The following GALNT16 variants were observed in gnomAD, a reference collection of about 807,000 sequenced individuals.
GALNT16 encodes polypeptide N-acetylgalactosaminyltransferase 16, also known as UDP-GalNAc:polypeptide N-acetylgalactosaminyltransferase-like protein 1.
GALNT16 carries 40 observed loss-of-function variants against 76.1 expected under a neutral mutation model. The ratio of observed to expected loss-of-function variants is 0.53; its 90% CI spans 0.41 to 0.68. The LOEUF is 0.68. Ranked by LOEUF, GALNT16 falls within the 30% of genes least tolerant of loss-of-function variation. The probability of loss-of-function intolerance (pLI) is 0.00; values close to 1 mark genes in which losing one functional copy is unlikely to be tolerated. For missense variants in GALNT16, 621 were observed against 731.9 expected (o/e 0.85, Z 1.75); for synonymous variants, 276 against 285.2 (o/e 0.97, Z 0.32).
At chr14:69,331,085 C>A (rs1483990388) in intron 6 of GALNT16, among the ~76,000 whole-genome samples, 2 of 152,176 alleles carry the variant, frequency 1.3e-5, no homozygotes, top group African/African-American at 4.8e-5. Flanking sequence ...CCACTTCAGG[C>A]AGCACAGTGA....
the GALNT16 span, among the ~76,000 whole-genome samples, chr14:69,384,162 C>T: frequency 2.6e-5 from 4 of 152,220 alleles, no homozygotes; most frequent in South Asian, 2.1e-4. Flanking sequence ...TTATCTCACA[C>T]GTAGACATTA....
Position 69,347,265 on chromosome 14 carries a change from TCTC to T in GALNT16, c.1413+91_1413+93del, listed in dbSNP as rs988461650. 11 of 1,331,818 alleles carry T rather than the reference TCTC, an allele frequency of 8.3e-6. No homozygotes were observed. The Admixed American group carries it at 2.2e-4, about 27-fold the overall frequency. The allele number at this position is 1,331,818 out of a possible 1,614,324, so 82.5% of individuals were successfully genotyped here. ...GGGTGAGGGACTTCCCCCTACTCAT[TCTC>T]CTCCTCTGTCTACATCTTACACAAA... On this transcript the variant is annotated intron_variant, in intron 13 of 14. Transcript: ENST00000448469.
At chr14:69,260,567 T>G (rs1594802986) in intron 1 of GALNT16, 100 bp downstream of exon 1, 1 of 811,460 alleles carries the variant, frequency 1.2e-6, no homozygotes, top group Non-Finnish European at 1.6e-6. Flanking sequence ...CAGGGCTGAG[T>G]GCCCGCTGCG....
chr14:69,323,802 G>A (rs994384300), intron 2 of GALNT16, among the ~76,000 whole-genome samples: 2 of 152,172 alleles, frequency 1.3e-5, no homozygotes, highest in East Asian at 1.9e-4. Flanking sequence ...CTGGGAATTC[G>A]GGCTGTAAGC....
At chr14:69,287,973 G>T (rs1359843787) in intron 1 of GALNT16, among the ~76,000 whole-genome samples, 1 of 152,194 alleles carries the variant, frequency 6.6e-6, no homozygotes, top group Admixed American at 6.5e-5. Context: ...TCTCCCTGAA[G>T]TTTCTCAAGT....
intron 14 of GALNT16, chr14:69,348,529 C>A: frequency 6.1e-6 from 1 of 164,378 alleles, no homozygotes. Context: ...CAGTCTTAAC[C>A]CAGCACATAG....
chr14:69,326,808 A>G (rs2045291665), intron 5 of GALNT16, among the ~76,000 whole-genome samples: 1 of 152,216 alleles, frequency 6.6e-6, no homozygotes, highest in Non-Finnish European at 1.5e-5. Flanking sequence ...TGTTGTACAG[A>G]CAAGGGAACT....
chr14:69,310,396 T>A (rs951509630), intron 1 of GALNT16, among the ~76,000 whole-genome samples: 18 of 152,196 alleles, frequency 1.2e-4, no homozygotes, highest in Non-Finnish European at 2.4e-4. Flanking sequence ...ATTAAATTCA[T>A]AGATTAAGTC....
intron 14 of GALNT16, chr14:69,351,309 G>A (rs1462521938): frequency 6.6e-6 from 1 of 152,288 alleles, no homozygotes; most frequent in Non-Finnish European, 1.5e-5. Flanking sequence ...CAGGAACTAT[G>A]GTGACCTGCA....
At chr14:69,321,620 C>T (rs888046352) in intron 2 of GALNT16, among the ~76,000 whole-genome samples, 10 of 152,196 alleles carry the variant, frequency 6.6e-5, no homozygotes, top group African/African-American at 2.2e-4. Flanking sequence ...GTCCTGCAGT[C>T]CCAGATTCCT....
At chr14:69,319,598 A>G (rs1173422327) in intron 1 of GALNT16, among the ~76,000 whole-genome samples, 1 of 152,252 alleles carries the variant, frequency 6.6e-6, no homozygotes, top group African/African-American at 2.4e-5. Flanking sequence ...GTTTGGTTCA[A>G]GTAATGAGAT....
downstream of GALNT16, chr14:69,358,923 T>A (rs1594876846): frequency 6.6e-6 from 1 of 152,278 alleles, no homozygotes; most frequent in African/African-American, 2.4e-5. Context: ...CTTTCTGCTT[T>A]CTCTTGTTTG....
intron 1 of GALNT16, among the ~76,000 whole-genome samples, chr14:69,263,497 C>A (rs2044302786): frequency 6.6e-6 from 1 of 152,184 alleles, no homozygotes; most frequent in Non-Finnish European, 1.5e-5. Flanking sequence ...TGTGGCTAGC[C>A]CTGCTGTCAG....
chr14:69,320,827 G>A lies in GALNT16; in HGVS notation c.294G>A (p.Lys98=), dbSNP rs752567736. Residue 98 remains lysine, a synonymous_variant, in exon 2 of 15, where the codon AAG becomes AAA. Coordinates refer to ENST00000448469, the MANE Select transcript of GALNT16 (RefSeq NM_001168368.2). ...CCTTCAACCAGCTGGAGAGTGACAA[G>A]CTGAGCCCAGACCGGCCCATCCGGG... is the stretch of plus-strand genomic sequence containing the variant. ...QHAFNQLESD[K]LSPDRPIRDT... 2.5e-6 allele frequency: 4 copies of A among 1,614,064 alleles called. No homozygotes were observed. The highest frequency in any genetic ancestry group is 3.4e-6 in the Non-Finnish European group (4 of 1,180,018).
intron 12 of GALNT16, among the ~76,000 whole-genome samples, chr14:69,345,194 C>T (rs548879571): frequency 1.3e-5 from 2 of 152,318 alleles, no homozygotes; most frequent in African/African-American, 4.8e-5. Context: ...ATATTGCCAA[C>T]TAATTAAAAG....
At chr14:69,381,260 C>T in the GALNT16 span, among the ~76,000 whole-genome samples, 4 of 151,934 alleles carry the variant, frequency 2.6e-5, no homozygotes, top group Non-Finnish European at 5.9e-5. Flanking sequence ...AGTGAGACTC[C>T]ATCTCAAAAA....
chr14:69,339,647 C>T, intron 11 of GALNT16, 28 bp downstream of exon 11: 1 of 1,381,838 alleles, frequency 7.2e-7, no homozygotes, highest in Non-Finnish European at 1.0e-6. Context: ...CACTGTCTGA[C>T]TCCCTCTACC....
At chr14:69,283,318 G>C (rs1245918221) in intron 1 of GALNT16, among the ~76,000 whole-genome samples, 1 of 152,242 alleles carries the variant, frequency 6.6e-6, no homozygotes, top group Admixed American at 6.5e-5. Flanking sequence ...GTCCTGGACA[G>C]TGCCTGGCAC....
At position 69,338,692 on chromosome 14, in the gene GALNT16, A is replaced by G; in HGVS notation, c.1009A>G (p.Ile337Val). Residue 337 changes from isoleucine to valine, a missense_variant, in exon 10 of 15, where the codon ATC becomes GTC. Transcript: ENST00000448469. ...RVWMCGGSLE[I>V]VPCSRVGHVF... ...GTGGATGTGTGGTGGCAGTCTGGAG[A>G]TCGTCCCCTGCAGCCGGGTGGGCCA... is the stretch of plus-strand genomic sequence containing the variant. 1.2e-6 allele frequency: 2 copies of G among 1,612,434 alleles called. No individual in the cohort carries two copies. The highest frequency in any genetic ancestry group is 1.7e-6 in the Non-Finnish European group (2 of 1,179,400).
Sources: allele counts gnomAD v4.1 joint callset (sites outside exome capture counted in the v4.1 genomes callset), GRCh38; gene constraint gnomAD v4.1.1; transcripts MANE v1.5; gene names NCBI Gene and HGNC (gene_info 2026-07-23, HGNC 2026-07-21).